Variants in LEPROT observed in about 807,000 individuals in gnomAD.
LEPROT encodes leptin receptor overlapping transcript.
Under a neutral mutation model 15.4 loss-of-function variants are expected in LEPROT, and 3 were observed. The observed-to-expected ratio is 0.19, with a 90% CI of 0.09 to 0.50. LEPROT has a LOEUF of 0.50. LEPROT is among the 20% of genes least tolerant of loss of function. The pLI is 0.97. For synonymous variants in LEPROT, 59 were observed against 57.5 expected, an observed-to-expected ratio of 1.03 and a Z score of -0.12; for missense variants, 137 against 162.2, an observed-to-expected ratio of 0.84 and a Z score of 0.84.
Position 65,433,425 on chromosome 1 carries a change from C to A in LEPROT, c.*1506C>A, listed in dbSNP as rs370553100. On this transcript the variant is annotated 3_prime_UTR_variant, in exon 4 of 4. Transcript: ENST00000371065. Reference sequence around the variant, plus strand: ...CCCTGCTCACCTTTTTGTCTAAGATCTATTGAGAAAGGGAAATATGGGAAG... The same window carrying A: ...CCCTGCTCACCTTTTTGTCTAAGATATATTGAGAAAGGGAAATATGGGAAG... 1.0e-5 allele frequency: 10 copies of A among 985,170 alleles called. No homozygotes were observed. The highest frequency in any genetic ancestry group is 2.3e-4 in the East Asian group (2 of 8,824). 61.0% of individuals were successfully genotyped at this position (985,170 alleles called of 1,614,324 possible).
In LEPROT at chr1:65,435,242, T is replaced by C. The variant is rs542518042; in HGVS notation, c.*3323T>C. 7.1e-5 allele frequency: 70 copies of C among 985,216 alleles called. 1 individual carries two copies. Among genetic ancestry groups the C allele is most frequent in the Admixed American group, 5.5e-4 (9 of 16,282 alleles). 61.0% of individuals were successfully genotyped at this position (985,216 alleles called of 1,614,324 possible). A position where few individuals can be genotyped will look rare whatever the true frequency, so the allele number is the denominator to read the frequency against. On this transcript the variant is annotated 3_prime_UTR_variant, in exon 4 of 4. Coordinates refer to ENST00000371065, the MANE Select transcript of LEPROT (RefSeq NM_017526.5). Reference sequence around the variant, plus strand: ...TTTCTTACTGTCCTAAGGAAGTCCTTACCTCTGAGGTATCTCCTCAATGAA... The same window carrying C: ...TTTCTTACTGTCCTAAGGAAGTCCTCACCTCTGAGGTATCTCCTCAATGAA...
Position 65,434,311 on chromosome 1 carries a change from A to G in LEPROT, c.*2392A>G, listed in dbSNP as rs1300164657. The G allele has an allele frequency of 1.7e-5, 17 of 984,636 alleles. No individual in the cohort carries two copies. In the Admixed American group the frequency reaches 4.3e-4, roughly 25 times the overall value. 61.0% of individuals were successfully genotyped at this position (984,636 alleles called of 1,614,324 possible). ...ACAAATGTTGGACATTTTTTTCCTTATAAAAGGCTCTTTTTTTATATATTG... is the reference window on the plus strand; with the variant it reads ...ACAAATGTTGGACATTTTTTTCCTTGTAAAAGGCTCTTTTTTTATATATTG... On this transcript the variant is annotated 3_prime_UTR_variant, in exon 4 of 4. Transcript: ENST00000371065.
At chr1:65,425,402 C>G in intron 2 of LEPROT, 24 bp downstream of exon 2, 1 of 1,569,510 alleles carries the variant, frequency 6.4e-7, no homozygotes, top group Non-Finnish European at 8.6e-7. Flanking sequence ...TCAAAAAGAA[C>G]TATTCCTCTT....
intron 1 of LEPROT, among the ~76,000 whole-genome samples, chr1:65,421,103 T>C (rs966092633): frequency 3.3e-5 from 5 of 152,184 alleles, no homozygotes; most frequent in Non-Finnish European, 5.9e-5. Context: ...TTTCTGCCCC[T>C]CCGCAGTTTC....
chr1:65,420,771 G>A, intron 1 of LEPROT, 31 bp downstream of exon 1: 1 of 1,571,554 alleles, frequency 6.4e-7, no homozygotes, highest in Non-Finnish European at 8.6e-7. Flanking sequence ...CGCTTGTCGT[G>A]TGGTGGGGTT....
chr1:65,420,994 C>T (rs1646236694), intron 1 of LEPROT, among the ~76,000 whole-genome samples: 1 of 152,192 alleles, frequency 6.6e-6, no homozygotes, highest in South Asian at 2.1e-4. Context: ...AGACCCCTCC[C>T]CAGCCTGAGC....
At position 65,433,054 on chromosome 1, in the gene LEPROT, C is replaced by A. The variant is rs915832343; in HGVS notation, c.*1135C>A. Reference sequence around the variant, plus strand: ...GGGAAGAGCTCCACTGAGATGCGGGCAGGGAGGCTGGGCTCGAGCCAGCCC... The same window carrying A: ...GGGAAGAGCTCCACTGAGATGCGGGAAGGGAGGCTGGGCTCGAGCCAGCCC... On this transcript the variant is annotated 3_prime_UTR_variant, in exon 4 of 4. Transcript: ENST00000371065. 3 of 985,288 alleles carry A rather than the reference C, an allele frequency of 3.0e-6. No individual in the cohort carries two copies. Among genetic ancestry groups the A allele is most frequent in the Middle Eastern group, 5.2e-4 (1 of 1,936 alleles). 61.0% of individuals were successfully genotyped at this position (985,288 alleles called of 1,614,324 possible). A position where few individuals can be genotyped will look rare whatever the true frequency, so the allele number is the denominator to read the frequency against.
Position 65,434,945 on chromosome 1 carries a change from T to C in LEPROT, c.*3026T>C. Reference sequence around the variant, plus strand: ...ATGCCTTGTGATTATCTTCTCCACATCTGAAATTCCTTTTGACACCTGCAT... The same window carrying C: ...ATGCCTTGTGATTATCTTCTCCACACCTGAAATTCCTTTTGACACCTGCAT... On this transcript the variant is annotated 3_prime_UTR_variant, in exon 4 of 4. Coordinates refer to ENST00000371065, the MANE Select transcript of LEPROT (RefSeq NM_017526.5). 2.0e-6 allele frequency: 2 copies of C among 985,536 alleles called. No individual in the cohort carries two copies. Among genetic ancestry groups the C allele is most frequent in the Non-Finnish European group, 2.4e-6 (2 of 830,018 alleles). The allele number at this position is 985,536 out of a possible 1,614,324, so 61.0% of individuals were successfully genotyped here.
chr1:65,433,110 G>A lies in LEPROT; in HGVS notation c.*1191G>A. Reference sequence around the variant, plus strand: ...TTAGCAGGAGGGGGAGAACAGATAGGTAACTCTTTTACATTTCCTTTATGA... The same window carrying A: ...TTAGCAGGAGGGGGAGAACAGATAGATAACTCTTTTACATTTCCTTTATGA... On this transcript the variant is annotated 3_prime_UTR_variant, in exon 4 of 4. Coordinates refer to ENST00000371065, the MANE Select transcript of LEPROT (RefSeq NM_017526.5). 2.0e-6 allele frequency: 2 copies of A among 985,392 alleles called. No homozygotes were observed. The highest frequency in any genetic ancestry group is 4.7e-5 in the South Asian group (1 of 21,284). 61.0% of individuals were successfully genotyped at this position (985,392 alleles called of 1,614,324 possible).
rs1557586354 is a variant in LEPROT, at chr1:65,432,097, A to G, written c.*178A>G. 6.1e-6 allele frequency: 8 copies of G among 1,306,940 alleles called. No individual in the cohort carries two copies. The highest frequency in any genetic ancestry group is 6.8e-6 in the Non-Finnish European group (7 of 1,029,300). 81.0% of individuals were successfully genotyped at this position (1,306,940 alleles called of 1,614,324 possible). A position where few individuals can be genotyped will look rare whatever the true frequency, so the allele number is the denominator to read the frequency against. ...GAGATGAGTTTTATTCTCAGCAAAT[A>G]GACCTGTCAAATTTAGATTATGTTA... On this transcript the variant is annotated 3_prime_UTR_variant, in exon 4 of 4. Transcript: ENST00000371065.
At chr1:65,424,692 G>A (rs962924616) in intron 1 of LEPROT, among the ~76,000 whole-genome samples, 1 of 152,226 alleles carries the variant, frequency 6.6e-6, no homozygotes, top group African/African-American at 2.4e-5. Context: ...GGTGCAGTCA[G>A]ATCTGGTGTC....
intron 2 of LEPROT, 113 bp downstream of exon 2, chr1:65,425,491 G>A: frequency 4.9e-6 from 4 of 813,394 alleles, no homozygotes; most frequent in Non-Finnish European, 3.8e-6. Context: ...GTGAGTTAGT[G>A]GAGCCCAGTT....
At chr1:65,427,104 G>T (rs1570424415) in intron 2 of LEPROT, among the ~76,000 whole-genome samples, 1 of 152,142 alleles carries the variant, frequency 6.6e-6, no homozygotes, top group East Asian at 1.9e-4. Context: ...AACTATTACA[G>T]AAATTGTTTA....
chr1:65,426,358 A>C (rs1236375720), intron 2 of LEPROT, among the ~76,000 whole-genome samples: 4 of 152,170 alleles, frequency 2.6e-5, no homozygotes, highest in African/African-American at 9.7e-5. Context: ...TTAGGGCTCT[A>C]TATGCCTGCC....
At chr1:65,421,589 TA>T in intron 1 of LEPROT, 1 of 1,032,634 alleles carries the variant, frequency 9.7e-7, no homozygotes, top group Non-Finnish European at 1.4e-6. Flanking sequence ...AACATGTAGA[TA>T]GTATATATAC....
Position 65,431,933 on chromosome 1 carries a change from TTACA to T in LEPROT, c.*15_*18del. On this transcript the variant is annotated 3_prime_UTR_variant, in exon 4 of 4. Transcript: ENST00000371065. Reference sequence around the variant, plus strand: ...GAGCAGTGGTAGCACTTTATTCTGATTACAGTGCATTGAATTTCTTAGAACTCAT... The same window carrying T: ...GAGCAGTGGTAGCACTTTATTCTGATGTGCATTGAATTTCTTAGAACTCAT... 3 of 1,609,134 alleles carry T rather than the reference TTACA, an allele frequency of 1.9e-6. No individual in the cohort carries two copies. Among genetic ancestry groups the T allele is most frequent in the Non-Finnish European group, 2.5e-6 (3 of 1,178,656 alleles).
chr1:65,425,978 C>G (rs182836497), intron 2 of LEPROT, among the ~76,000 whole-genome samples: 9 of 152,102 alleles, frequency 5.9e-5, no homozygotes, highest in African/African-American at 2.2e-4. Flanking sequence ...CATAAGAAAA[C>G]AAAGGTCCTG....
chr1:65,428,142 T>C (rs1255466683), intron 2 of LEPROT: 1 of 152,300 alleles, frequency 6.6e-6, no homozygotes, highest in African/African-American at 2.4e-5. Flanking sequence ...TGGCCCTTTA[T>C]AGAAAAAGTT....
At chr1:65,424,184 C>T (rs1453606704) in intron 1 of LEPROT, among the ~76,000 whole-genome samples, 2 of 152,148 alleles carry the variant, frequency 1.3e-5, no homozygotes, top group African/African-American at 2.4e-5. Flanking sequence ...TTCCTACTCC[C>T]GCAGAGACTA....
Sources: gnomAD v4.1 joint callset for allele counts (sites outside exome capture counted in the v4.1 genomes callset) on GRCh38, gnomAD v4.1.1 for gene constraint, MANE v1.5 for transcripts, NCBI Gene and HGNC (gene_info 2026-07-23, HGNC 2026-07-21) for gene names.